Variants in NLE1 observed in about 807,000 individuals in gnomAD.
The protein encoded by NLE1 is notchless homolog 1, also known as notchless protein homolog 1.
NLE1 carries 37 observed loss-of-function variants against 62.8 expected under a neutral mutation model. The ratio of observed to expected loss-of-function variants is 0.59; its 90% CI spans 0.45 to 0.78. The LOEUF is 0.78. Ranked by LOEUF, NLE1 falls within the 30% of genes least tolerant of loss-of-function variation. NLE1 has a pLI of 0.00. For synonymous variants in NLE1, 243 were observed against 253.0 expected (o/e 0.96, Z 0.37); for missense variants, 555 against 637.9 (o/e 0.87, Z 1.40).
chr17:35,140,298 T>A (rs11870981), intron 2 of NLE1, among the ~76,000 whole-genome samples: 1 of 151,894 alleles, frequency 6.6e-6, no homozygotes, highest in Non-Finnish European at 1.5e-5. Flanking sequence ...GAGCAATCTC[T>A]GCTCACTGCA....
rs146002563 is a variant in NLE1 at position 35,133,393 on chromosome 17, C to A, written c.1320G>T (p.Val440=). ...VSGSSDSTLK[V]WDVKAQKLAM... ...CCAGCTTCTGGGCCTTCACATCCCA[C>A]ACCTTCAGTGTGCTGTCACTGCTGC... Residue 440 remains valine, a synonymous_variant, in exon 11 of 13, where the codon GTG becomes GTT. Coordinates refer to ENST00000442241, the MANE Select transcript of NLE1 (RefSeq NM_018096.5). 2.5e-5 allele frequency: 40 copies of A among 1,614,198 alleles called. No homozygotes were observed. The highest frequency in any genetic ancestry group is 3.2e-5 in the Non-Finnish European group (38 of 1,180,046).
intron 10 of NLE1, 135 bp downstream of exon 10, chr17:35,135,114 C>T (rs2091900458): frequency 2.5e-6 from 2 of 790,694 alleles, no homozygotes; most frequent in East Asian, 5.1e-5. Flanking sequence ...GGTAGGGGGT[C>T]TGCATATTAC....
intron 9 of NLE1, among the ~76,000 whole-genome samples, 193 bp from the exon 10 acceptor site, chr17:35,135,644 AAAAG>A (rs1283185511): frequency 6.6e-6 from 1 of 152,232 alleles, no homozygotes; most frequent in Non-Finnish European, 1.5e-5. Context: ...TCCAAAAGGA[AAAAG>A]AAACTCTACA....
chr17:35,135,718 TAAA>T (rs2091904373), intron 9 of NLE1, among the ~76,000 whole-genome samples: 2 of 152,204 alleles, frequency 1.3e-5, no homozygotes, highest in African/African-American at 4.8e-5. Flanking sequence ...AATAATGTGT[TAAA>T]AGAAGGATTT....
intron 2 of NLE1, 46 bp from the exon 3 acceptor site, chr17:35,140,112 G>A: frequency 6.3e-7 from 1 of 1,590,700 alleles, no homozygotes; most frequent in Non-Finnish European, 8.6e-7. Context: ...TGGATGTGCA[G>A]GGGCACCCTC....
Position 35,137,440 on chromosome 17 carries a change from G to C in NLE1, c.635+103C>G, listed in dbSNP as rs1222831620. On this transcript the variant is annotated intron_variant, in intron 6 of 12. Coordinates refer to ENST00000442241, the MANE Select transcript of NLE1 (RefSeq NM_018096.5). ...CCAAGCCATCACGGTCATTCAGGCT[G>C]CCCATCTTGTCCCCTCACGTAAAAC... is the stretch of plus-strand genomic sequence containing the variant. 5 of 988,062 alleles carry C rather than the reference G, an allele frequency of 5.1e-6. No homozygotes were observed. In the African/African-American group the frequency reaches 8.0e-5, roughly 16 times the overall value. 61.2% of individuals were successfully genotyped at this position (988,062 alleles called of 1,614,324 possible).
chr17:35,142,002 C>T lies in NLE1; in HGVS notation c.139G>A (p.Val47Met). The T allele has an allele frequency of 6.3e-7, 1 of 1,596,352 alleles. No homozygotes were observed. Among genetic ancestry groups the T allele is most frequent in the Non-Finnish European group, 8.5e-7 (1 of 1,172,668 alleles). Reference sequence around the variant, plus strand: ...ACCTGGGCCAGTAGCGCGTTGCACACGAGCTGCAGCCTGTCCGGGGTGATG... The same window carrying T: ...ACCTGGGCCAGTAGCGCGTTGCACATGAGCTGCAGCCTGTCCGGGGTGATG... ...VDITPDRLQL[V>M]CNALLAQEDP... Residue 47 changes from valine (V) to methionine (M), a missense_variant, in exon 2 of 13, where the codon GTG (valine) becomes ATG (methionine). Val to Met is a conservative substitution (Grantham distance 21). Coordinates refer to ENST00000442241, the MANE Select transcript of NLE1 (RefSeq NM_018096.5).
Position 35,136,502 on chromosome 17 carries a change from G to A in NLE1, c.829-5C>T, listed in dbSNP as rs758249011. On this transcript the variant is annotated splice_region_variant and splice_polypyrimidine_tract_variant and intron_variant, in intron 7 of 12. Transcript: ENST00000442241. Reference sequence around the variant, plus strand: ...CAGAGTCCGGCACAGCACACCCTACGGGAGAGCGAGTCAGGTCAGACACAC... The same window carrying A: ...CAGAGTCCGGCACAGCACACCCTACAGGAGAGCGAGTCAGGTCAGACACAC... The A allele has an allele frequency of 3.8e-5, 61 of 1,608,446 alleles. No homozygotes were observed. Among genetic ancestry groups the A allele is most frequent in the African/African-American group, 8.0e-5 (6 of 74,824 alleles).
In NLE1 at chr17:35,129,440, T is replaced by C; in HGVS notation, c.*2997A>G. The C allele has an allele frequency of 6.2e-7, 1 of 1,613,990 alleles. No homozygotes were observed. The highest frequency in any genetic ancestry group is 1.1e-5 in the South Asian group (1 of 91,080). ...CCCCTAGATTTCCTGGACCTACGCC[T>C]TGGGCAAGCAGCCGGTCAGTTTCTA... is the stretch of plus-strand genomic sequence containing the variant. On this transcript the variant is annotated 3_prime_UTR_variant, in exon 13 of 13. Transcript: ENST00000442241.
chr17:35,139,224 T>C lies in NLE1; in HGVS notation c.460+11A>G. The C allele has an allele frequency of 1.2e-6, 2 of 1,612,692 alleles. No homozygotes were observed. Among genetic ancestry groups the C allele is most frequent in the Non-Finnish European group, 8.5e-7 (1 of 1,179,074 alleles). ...AAAGAAGACCCCCTAAATGGCTAATTGCATACTGACCCTTGCATGTGAAAT... is the reference window on the plus strand; with the variant it reads ...AAAGAAGACCCCCTAAATGGCTAATCGCATACTGACCCTTGCATGTGAAAT... On this transcript the variant is annotated intron_variant, in intron 4 of 12. Coordinates refer to ENST00000442241, the MANE Select transcript of NLE1 (RefSeq NM_018096.5).
Position 35,131,460 on chromosome 17 carries a change from G to A in NLE1, c.*977C>T, listed in dbSNP as rs1481725927. ...AGAAAGCAGAGGCAGGGTACATTCAGGGCAAGATCTCGGCCTGGGGTCTGA... is the reference window on the plus strand; with the variant it reads ...AGAAAGCAGAGGCAGGGTACATTCAAGGCAAGATCTCGGCCTGGGGTCTGA... On this transcript the variant is annotated 3_prime_UTR_variant, in exon 13 of 13. Coordinates refer to ENST00000442241, the MANE Select transcript of NLE1 (RefSeq NM_018096.5). The A allele has an allele frequency of 2.6e-5, 4 of 152,258 alleles. No homozygotes were observed. The highest frequency in any genetic ancestry group is 5.9e-5 in the Non-Finnish European group (4 of 68,062). 9.4% of individuals were successfully genotyped at this position (152,258 alleles called of 1,614,324 possible).
chr17:35,135,054 T>A (rs1376260208), intron 10 of NLE1, 195 bp downstream of exon 10: 2 of 679,946 alleles, frequency 2.9e-6, no homozygotes, highest in Admixed American at 2.1e-5. Context: ...AGAGTGAAAG[T>A]CATCTCTAAA....
chr17:35,136,249 T>C (rs760262182), intron 8 of NLE1, 34 bp from the exon 9 acceptor site: 1 of 1,613,704 alleles, frequency 6.2e-7, no homozygotes, highest in Non-Finnish European at 8.5e-7. Flanking sequence ...GAAAAGGAGA[T>C]GAGGAAGAAG....
In NLE1 at chr17:35,130,011, CGAA is replaced by C; in HGVS notation, c.*2423_*2425del. 5.8e-6 allele frequency: 8 copies of C among 1,369,780 alleles called. No homozygotes were observed. The highest frequency in any genetic ancestry group is 1.8e-5 in the South Asian group (1 of 56,566). The allele number at this position is 1,369,780 out of a possible 1,614,324, so 84.9% of individuals were successfully genotyped here. On this transcript the variant is annotated 3_prime_UTR_variant, in exon 13 of 13. Transcript: ENST00000442241. ...GGGAAGACAAGAGGCTAAAGGGGGACGAAGAAGGGAACAGCCTGGGTATGGGGT... is the reference window on the plus strand; with the variant it reads ...GGGAAGACAAGAGGCTAAAGGGGGACGAAGGGAACAGCCTGGGTATGGGGT...
In NLE1 at chr17:35,142,300, A is replaced by C. The variant is rs2091949771; in HGVS notation, c.-25T>G. ...TCCTGCGTCCCCACGTGGAGGAGAAAGAGCCCGGCAGACAGAGCGCCGTCT... is the reference window on the plus strand; with the variant it reads ...TCCTGCGTCCCCACGTGGAGGAGAACGAGCCCGGCAGACAGAGCGCCGTCT... On this transcript the variant is annotated 5_prime_UTR_variant, in exon 1 of 13. Coordinates refer to ENST00000442241, the MANE Select transcript of NLE1 (RefSeq NM_018096.5). 1.3e-6 allele frequency: 2 copies of C among 1,534,024 alleles called. No homozygotes were observed. The highest frequency in any genetic ancestry group is 1.7e-6 in the Non-Finnish European group (2 of 1,143,448).
chr17:35,132,987 GGTGGCCCTCCCACTT>G (rs1297763505), intron 12 of NLE1, among the ~76,000 whole-genome samples, 169 bp downstream of exon 12: 12 of 152,020 alleles, frequency 7.9e-5, no homozygotes, highest in South Asian at 4.2e-4. Context: ...CTGTTGTTCC[GGTGGCCCTCCCACTT>G]GTGGCCCTCC....
Position 35,139,899 on chromosome 17 carries a change from C to T in NLE1, c.330G>A (p.Leu110=). The part of the protein sequence containing the change: ...VRAVTRCTSS[L]EGHSEAVISV... ...AAATGACTGCCTCACTGTGACCCTC[C>T]AAGGAGCTGGTGCAGCGAGTCACAG... is the stretch of plus-strand genomic sequence containing the variant. Residue 110 remains leucine (L), a synonymous_variant, in exon 3 of 13, where the codon TTG becomes TTA. Coordinates refer to ENST00000442241, the MANE Select transcript of NLE1 (RefSeq NM_018096.5). 6.2e-7 allele frequency: 1 copy of T among 1,614,036 alleles called. No homozygotes were observed. The highest frequency in any genetic ancestry group is 8.5e-7 in the Non-Finnish European group (1 of 1,180,048).
chr17:35,132,546 C>T, intron 12 of NLE1, 97 bp from the exon 13 acceptor site: 1 of 1,112,856 alleles, frequency 9.0e-7, no homozygotes, highest in Non-Finnish European at 1.2e-6. Flanking sequence ...GCCTGTGGTC[C>T]ACCCTCAGAG....
chr17:35,142,200 G>A, intron 1 of NLE1, 58 bp downstream of exon 1: 2 of 1,586,218 alleles, frequency 1.3e-6, no homozygotes, highest in South Asian at 2.3e-5. Context: ...CAGGCCTCAG[G>A]GACCCGGGCC....
Sources: gnomAD v4.1 joint callset for allele counts (sites outside exome capture counted in the v4.1 genomes callset) on GRCh38, gnomAD v4.1.1 for gene constraint, MANE v1.5 for transcripts, NCBI Gene and HGNC (gene_info 2026-07-23, HGNC 2026-07-21) for gene names.